The following KBTBD12 variants were observed in gnomAD, a reference collection of about 807,000 sequenced individuals.
The protein encoded by KBTBD12 is kelch repeat and BTB domain-containing protein 12.
In KBTBD12, 53 loss-of-function variants were observed where a neutral mutation model predicts 58.7. That is an observed-to-expected ratio of 0.90 (90% CI 0.72 to 1.14). KBTBD12 has a LOEUF of 1.14. KBTBD12 is among the 50% of genes most tolerant of loss of function. The probability of loss-of-function intolerance (pLI) is 0.00; values close to 1 mark genes in which losing one functional copy is unlikely to be tolerated. For missense variants in KBTBD12, 704 were observed against 751.3 expected (o/e 0.94, Z 0.74); for synonymous variants, 236 against 259.8 (o/e 0.91, Z 0.88).
rs532216830 is a variant in KBTBD12 at position 127,923,601 on chromosome 3, T to C, written c.540T>C (p.Leu180=). 6.8e-5 allele frequency: 110 copies of C among 1,613,732 alleles called. No individual in the cohort carries two copies. The South Asian group carries it at 1.1e-3, about 16-fold the overall frequency. The change falls in exon 2 of 6, where the codon CTT becomes CTC. Residue 180 remains leucine, a synonymous_variant. Transcript: ENST00000405109. ...TCGAAGTGCACCAATTTTTGACACT[T>C]ATTAAATCAGATGATCTTAACATAT... ...LEIEVHQFLT[L]IKSDDLNISR...
chr3:127,987,238 A>G lies in KBTBD12; in HGVS notation c.*2960A>G, dbSNP rs1940986897. On this transcript the variant is annotated 3_prime_UTR_variant, in exon 6 of 6. Coordinates refer to ENST00000405109, the MANE Select transcript of KBTBD12 (RefSeq NM_207335.4). The stretch of plus-strand genomic sequence containing the variant: ...CTGATCTTGATTTTTCTTTGATTCC[A>G]TACAACAGATTGCTTGCCTGGGTTA... The G allele has an allele frequency of 6.6e-6, 1 of 152,228 alleles. No individual in the cohort carries two copies. Among genetic ancestry groups the G allele is most frequent in the South Asian group, 2.1e-4 (1 of 4,832 alleles). The allele number at this position is 152,228 out of a possible 1,614,324, so 9.4% of individuals were successfully genotyped here. A position where few individuals can be genotyped will look rare whatever the true frequency, so the allele number is the denominator to read the frequency against.
intron 2 of KBTBD12, among the ~76,000 whole-genome samples, chr3:127,926,186 C>T (rs1004062103): frequency 9.2e-5 from 14 of 151,936 alleles, no homozygotes; most frequent in Non-Finnish European, 1.8e-4. Flanking sequence ...TGGGTATTTT[C>T]TCTCCCTGTT....
chr3:127,920,798 G>C (rs1344347222), intron 1 of KBTBD12, among the ~76,000 whole-genome samples: 2 of 151,988 alleles, frequency 1.3e-5, no homozygotes, highest in African/African-American at 2.4e-5. Context: ...GTTTATTCTT[G>C]TGATTTATAT....
chr3:127,938,328 C>T (rs2107597405), intron 4 of KBTBD12, among the ~76,000 whole-genome samples: 1 of 152,096 alleles, frequency 6.6e-6, no homozygotes, highest in Non-Finnish European at 1.5e-5. Context: ...CTAAGATCCC[C>T]TGATTATCCA....
At chr3:127,959,353 CAGGGAGCTTT>C (rs1940384763) in intron 4 of KBTBD12, among the ~76,000 whole-genome samples, 1 of 152,194 alleles carries the variant, frequency 6.6e-6, no homozygotes, top group Admixed American at 6.5e-5. Context: ...TAAGTCATGT[CAGGGAGCTTT>C]TCCCTCTGCC....
Position 127,984,436 on chromosome 3 carries a change from G to A in KBTBD12, c.*158G>A. On this transcript the variant is annotated 3_prime_UTR_variant, in exon 6 of 6. Coordinates refer to ENST00000405109, the MANE Select transcript of KBTBD12 (RefSeq NM_207335.4). ...GCTGGGCACTGGGTGGGGAGCATGG[G>A]GAGTCTCCCTTCAGGGACTTCCCAG... is the stretch of plus-strand genomic sequence containing the variant. 1 of 658,840 alleles carries A rather than the reference G, an allele frequency of 1.5e-6. No homozygotes were observed. 40.8% of individuals were successfully genotyped at this position (658,840 alleles called of 1,614,324 possible). A position where few individuals can be genotyped will look rare whatever the true frequency, so the allele number is the denominator to read the frequency against.
chr3:127,944,065 C>G (rs191371155), intron 4 of KBTBD12, among the ~76,000 whole-genome samples: 2 of 152,204 alleles, frequency 1.3e-5, no homozygotes, highest in African/African-American at 4.8e-5. Flanking sequence ...TTGCCAGTAC[C>G]ATACTGTTTT....
intron 5 of KBTBD12, among the ~76,000 whole-genome samples, chr3:127,982,017 G>A (rs1940882378): frequency 6.6e-6 from 1 of 152,024 alleles, no homozygotes; most frequent in East Asian, 1.9e-4. Flanking sequence ...CGTCCAAGCT[G>A]GAAATCTTCC....
At chr3:127,942,786 G>A (rs1939985028) in intron 4 of KBTBD12, among the ~76,000 whole-genome samples, 1 of 151,380 alleles carries the variant, frequency 6.6e-6, no homozygotes, top group Admixed American at 6.6e-5. Flanking sequence ...AGGAAAAGAG[G>A]TTTATTTAGC....
At chr3:127,918,540 G>A (rs982247174) in intron 1 of KBTBD12, among the ~76,000 whole-genome samples, 1 of 152,030 alleles carries the variant, frequency 6.6e-6, no homozygotes, top group South Asian at 2.1e-4. Flanking sequence ...GTGAAACCCC[G>A]TCTCTACTAC....
intron 5 of KBTBD12, among the ~76,000 whole-genome samples, chr3:127,974,451 C>G (rs1940742017): frequency 6.6e-6 from 1 of 152,140 alleles, no homozygotes; most frequent in African/African-American, 2.4e-5. Flanking sequence ...CCCTAGATGC[C>G]AGAGCAGCAG....
At chr3:127,929,312 A>G (rs1260467806) in intron 3 of KBTBD12, among the ~76,000 whole-genome samples, 1 of 152,222 alleles carries the variant, frequency 6.6e-6, no homozygotes, top group Non-Finnish European at 1.5e-5. Flanking sequence ...GTATATTTAA[A>G]GTGGTTAACT....
intron 1 of KBTBD12, among the ~76,000 whole-genome samples, chr3:127,917,324 A>G (rs1939273564): frequency 6.6e-6 from 1 of 152,224 alleles, no homozygotes; most frequent in Non-Finnish European, 1.5e-5. Flanking sequence ...CCGGTTTACT[A>G]TAAAGGATAT....
intron 4 of KBTBD12, among the ~76,000 whole-genome samples, 155 bp downstream of exon 4, chr3:127,930,438 T>C (rs1360195347): frequency 6.6e-6 from 1 of 152,162 alleles, no homozygotes; most frequent in African/African-American, 2.4e-5. Context: ...TTTTCTAGAG[T>C]ACAGTCAAAT....
chr3:127,950,589 G>T (rs115304804), intron 4 of KBTBD12, among the ~76,000 whole-genome samples: 1 of 151,960 alleles, frequency 6.6e-6, no homozygotes, highest in Non-Finnish European at 1.5e-5. Flanking sequence ...CAAATATTAC[G>T]CTGGGTGCTA....
chr3:127,924,177 T>C, intron 2 of KBTBD12, 46 bp downstream of exon 2: 1 of 1,214,750 alleles, frequency 8.2e-7, no homozygotes, highest in South Asian at 1.4e-5. Flanking sequence ...GTTTTGATAC[T>C]AGCAGCAGTA....
At chr3:127,933,556 C>T (rs1384035608) in intron 4 of KBTBD12, among the ~76,000 whole-genome samples, 1 of 152,134 alleles carries the variant, frequency 6.6e-6, no homozygotes, top group Non-Finnish European at 1.5e-5. Context: ...GCTGCATAAA[C>T]ATGCAGCGCC....
intron 4 of KBTBD12, among the ~76,000 whole-genome samples, chr3:127,948,300 C>G (rs905599158): frequency 6.6e-6 from 1 of 151,832 alleles, no homozygotes; most frequent in African/African-American, 2.4e-5. Flanking sequence ...TTAGCAGAGG[C>G]CTTGGGGAGT....
intron 5 of KBTBD12, among the ~76,000 whole-genome samples, chr3:127,975,261 T>G (rs1940763122): frequency 6.6e-6 from 1 of 152,180 alleles, no homozygotes; most frequent in Non-Finnish European, 1.5e-5. Flanking sequence ...CTGGAGGTGT[T>G]CATCCTCAGA....
Sources: allele counts gnomAD v4.1 joint callset (sites outside exome capture counted in the v4.1 genomes callset), GRCh38; gene constraint gnomAD v4.1.1; transcripts MANE v1.5; gene names NCBI Gene and HGNC (gene_info 2026-07-23, HGNC 2026-07-21).